The following RARS2 variants were observed in gnomAD, a reference collection of about 807,000 sequenced individuals.
The protein encoded by RARS2 is arginyl-tRNA synthetase 2, mitochondrial.
In RARS2, 67 loss-of-function variants were observed where a neutral mutation model predicts 88.5. The ratio of observed to expected loss-of-function variants is 0.76; its 90% CI spans 0.62 to 0.93. The LOEUF is 0.93. Ranked by LOEUF, RARS2 falls within the 40% of genes least tolerant of loss-of-function variation. RARS2 has a pLI of 0.00. For synonymous variants in RARS2, 239 were observed against 230.3 expected, an observed-to-expected ratio of 1.04 and a Z score of -0.34; for missense variants, 664 against 684.2, an observed-to-expected ratio of 0.97 and a Z score of 0.33.
In RARS2 at chr6:87,555,443, A is replaced by G. The variant is rs1785578107; in HGVS notation, c.360T>C (p.Ser120=). 6.2e-7 allele frequency: 1 copy of G among 1,614,078 alleles called. No individual in the cohort carries two copies. The highest frequency in any genetic ancestry group is 8.5e-7 in the Non-Finnish European group (1 of 1,179,958). The change falls in exon 5 of 20, where the codon TCT becomes TCC. Residue 120 remains serine (S), a synonymous_variant. Transcript: ENST00000369536. The part of the protein sequence containing the change: ...SKYGLKSELF[S]GLPQKKIVVE... Reference sequence around the variant, plus strand: ...CCACAATCTTCTTCTGGGGAAGTCCAGAGAAAAGTTCACTTTTTAATCCAT... The same window carrying G: ...CCACAATCTTCTTCTGGGGAAGTCCGGAGAAAAGTTCACTTTTTAATCCAT...
chr6:87,562,589 G>T, intron 4 of RARS2, 113 bp downstream of exon 4: 1 of 767,372 alleles, frequency 1.3e-6, no homozygotes, highest in Non-Finnish European at 2.3e-6. Context: ...ATCAGTATGT[G>T]CAAAGGTTTT....
chr6:87,529,946 C>T (rs1239945861), intron 9 of RARS2, among the ~76,000 whole-genome samples: 1 of 151,834 alleles, frequency 6.6e-6, no homozygotes, highest in Non-Finnish European at 1.5e-5. Context: ...TAATAGTTTC[C>T]ACTATACCAG....
chr6:87,564,291 C>T lies in RARS2; in HGVS notation c.111-59G>A, dbSNP rs1285953930. 3 of 1,208,544 alleles carry T rather than the reference C, an allele frequency of 2.5e-6. No homozygotes were observed. In the African/African-American group the frequency reaches 4.5e-5, roughly 18 times the overall value. The allele number at this position is 1,208,544 out of a possible 1,614,324, so 74.9% of individuals were successfully genotyped here. A position where few individuals can be genotyped will look rare whatever the true frequency, so the allele number is the denominator to read the frequency against. On this transcript the variant is annotated intron_variant, in intron 2 of 19. Coordinates refer to ENST00000369536, the MANE Select transcript of RARS2 (RefSeq NM_020320.5). ...TACCTTAAAAGCATTAGTTGTTAAA[C>T]AAAGACTAATCACTATGAGTTCTCC... is the stretch of plus-strand genomic sequence containing the variant.
In RARS2 at chr6:87,514,181, C is replaced by T. The variant is rs922336021; in HGVS notation, c.*232G>A. On this transcript the variant is annotated 3_prime_UTR_variant, in exon 20 of 20. Transcript: ENST00000369536. ...ACAAAATTAGCCTGGCGTGATGGCA[C>T]GTGCCTGTAATCCCAGCTACTCAGG... Among the ~76,000 whole-genome samples the T allele has an allele frequency of 3.3e-5, 5 of 151,944 alleles. No homozygotes were observed. The highest frequency in any genetic ancestry group is 4.2e-4 in the South Asian group (2 of 4,812).
At chr6:87,551,447 G>A (rs1784302082) in intron 5 of RARS2, among the ~76,000 whole-genome samples, 1 of 151,694 alleles carries the variant, frequency 6.6e-6, no homozygotes, top group African/African-American at 2.4e-5. Flanking sequence ...CCAACATGGT[G>A]AAATCCTGTC....
chr6:87,529,359 C>T (rs1193596331), intron 10 of RARS2, among the ~76,000 whole-genome samples, 183 bp downstream of exon 10: 2 of 152,144 alleles, frequency 1.3e-5, no homozygotes, highest in African/African-American at 2.4e-5. Context: ...TTCTCCAAGC[C>T]TGAACAGCTT....
intron 8 of RARS2, among the ~76,000 whole-genome samples, chr6:87,531,214 T>C (rs922482380): frequency 4.6e-5 from 7 of 152,178 alleles, no homozygotes; most frequent in Non-Finnish European, 7.3e-5. Context: ...AAAAATTAAT[T>C]TGTGATATAG....
chr6:87,568,474 TG>T (rs1419491205), intron 2 of RARS2, among the ~76,000 whole-genome samples: 1 of 152,226 alleles, frequency 6.6e-6, no homozygotes, highest in Non-Finnish European at 1.5e-5. Flanking sequence ...CCCTCCAGCT[TG>T]GGTGACAGAA....
Position 87,569,584 on chromosome 6 carries a change from T to C in RARS2, c.43A>G (p.Arg15Gly), listed in dbSNP as rs967296841. 6.2e-7 allele frequency: 1 copy of C among 1,605,412 alleles called. No homozygotes were observed. ...FRRAIACQLS[R>G]VLNLPPENLI... Reference sequence around the variant, plus strand: ...TTTTCTGGTGGAAGATTCAACACTCTGGAAAGCTAAAAATCAAAAAGAACA... The same window carrying C: ...TTTTCTGGTGGAAGATTCAACACTCCGGAAAGCTAAAAATCAAAAAGAACA... The change falls in exon 2 of 20, where the codon AGA becomes GGA. Residue 15 changes from arginine to glycine, a missense_variant. Transcript: ENST00000369536.
rs145297855 is a variant in RARS2, at chr6:87,529,647, C to A, written c.773G>T (p.Arg258Leu). 1.9e-6 allele frequency: 3 copies of A among 1,588,768 alleles called. No individual in the cohort carries two copies. The highest frequency in any genetic ancestry group is 2.6e-6 in the Non-Finnish European group (3 of 1,157,080). Residue 258 changes from arginine (R) to leucine (L), a missense_variant and splice_region_variant, in exon 10 of 20, where the codon CGT (arginine) becomes CTT (leucine). Transcript: ENST00000369536. ...ATATTCATCAAAATATACTCCCAGA[C>A]GCTAAAAGAGTTCAGAAACAAAAAG... ...SIEEYIRVYK[R>L]LGVYFDEYSG...
chr6:87,556,362 G>A (rs1785880788), intron 4 of RARS2, among the ~76,000 whole-genome samples: 1 of 152,132 alleles, frequency 6.6e-6, no homozygotes, highest in Middle Eastern at 3.4e-3. Context: ...GCTGAGTGCA[G>A]TGGTGCAATC....
chr6:87,553,280 C>T (rs1784890957), intron 5 of RARS2, among the ~76,000 whole-genome samples: 1 of 152,138 alleles, frequency 6.6e-6, no homozygotes, highest in African/African-American at 2.4e-5. Context: ...CCACTAGTCT[C>T]TAGATGACCG....
intron 8 of RARS2, among the ~76,000 whole-genome samples, chr6:87,538,108 CAG>C (rs763868265): frequency 8.5e-5 from 13 of 152,232 alleles, no homozygotes; most frequent in East Asian, 3.9e-4. Context: ...AAAATGAAAA[CAG>C]AGTCTATAAA....
At chr6:87,562,130 A>G (rs1332529834) in intron 4 of RARS2, among the ~76,000 whole-genome samples, 1 of 152,070 alleles carries the variant, frequency 6.6e-6, no homozygotes, top group Non-Finnish European at 1.5e-5. Flanking sequence ...ATGTGTGGCT[A>G]ATTTTTAAAT....
chr6:87,569,536 C>T lies in RARS2; in HGVS notation c.91G>A (p.Val31Ile). Reference protein sequence around the residue: ...PENLITSISAVPISQKEEVAD... With the variant: ...PENLITSISAIPISQKEEVAD... ...CTTAACTCTTTTTGGGAAATTGGAACTGCAGATATTGATGTGATCAAGTTT... is the reference window on the plus strand; with the variant it reads ...CTTAACTCTTTTTGGGAAATTGGAATTGCAGATATTGATGTGATCAAGTTT... The change falls in exon 2 of 20, where the codon GTT (valine) becomes ATT (isoleucine). Residue 31 changes from valine (V) to isoleucine (I), a missense_variant. By Grantham distance (29) the Val-to-Ile change is conservative. Coordinates refer to ENST00000369536, the MANE Select transcript of RARS2 (RefSeq NM_020320.5). 6.2e-7 allele frequency: 1 copy of T among 1,602,076 alleles called. No individual in the cohort carries two copies. The highest frequency in any genetic ancestry group is 1.1e-5 in the South Asian group (1 of 90,782).
At chr6:87,564,561 TG>T (rs748419537) in intron 2 of RARS2, 8 of 373,802 alleles carry the variant, frequency 2.1e-5, no homozygotes, top group Non-Finnish European at 3.1e-5. Flanking sequence ...CCCAGCTGCT[TG>T]GGAGACTGAG....
intron 4 of RARS2, among the ~76,000 whole-genome samples, chr6:87,555,774 TAC>T (rs1177222703): frequency 1.3e-5 from 2 of 152,182 alleles, no homozygotes; most frequent in Admixed American, 6.5e-5. Flanking sequence ...GTAGGTATTT[TAC>T]AGAGAAGGAA....
chr6:87,526,830 C>G (rs1775901541), intron 10 of RARS2, among the ~76,000 whole-genome samples: 1 of 151,812 alleles, frequency 6.6e-6, no homozygotes, highest in South Asian at 2.1e-4. Flanking sequence ...CCCACCACAC[C>G]CAGCTAATTT....
intron 8 of RARS2, among the ~76,000 whole-genome samples, chr6:87,538,160 T>A (rs1779779881): frequency 3.3e-5 from 5 of 152,224 alleles, no homozygotes; most frequent in Admixed American, 3.3e-4. Flanking sequence ...CATTTTAGGC[T>A]TTGCATATTT....
Sources: gnomAD v4.1 joint callset for allele counts (sites outside exome capture counted in the v4.1 genomes callset) on GRCh38, gnomAD v4.1.1 for gene constraint, MANE v1.5 for transcripts, NCBI Gene and HGNC (gene_info 2026-07-23, HGNC 2026-07-21) for gene names.